The following CD109 variants were observed in gnomAD, a reference collection of about 807,000 sequenced individuals.
CD109 encodes the protein CD109 molecule, also known as CD109 antigen.
Under a neutral mutation model 165.8 loss-of-function variants are expected in CD109, and 149 were observed. That is an observed-to-expected ratio of 0.90 (90% CI 0.79 to 1.03). CD109 has a LOEUF of 1.03. Ranked by LOEUF, CD109 falls within the 50% of genes least tolerant of loss-of-function variation. The pLI is 0.00. For missense variants in CD109, 1,712 were observed against 1,677.8 expected, an observed-to-expected ratio of 1.02 and a Z score of -0.36; for synonymous variants, 585 against 592.1, an observed-to-expected ratio of 0.99 and a Z score of 0.18.
At chr6:73,681,659 A>G in the CD109 span, among the ~76,000 whole-genome samples, 2 of 151,744 alleles carry the variant, frequency 1.3e-5, no homozygotes, top group African/African-American at 2.4e-5. Flanking sequence ...CTGGAGTGCA[A>G]TGGTACAATC....
chr6:73,796,331 T>C (rs991816303), intron 23 of CD109, among the ~76,000 whole-genome samples: 1 of 152,136 alleles, frequency 6.6e-6, no homozygotes, highest in Non-Finnish European at 1.5e-5. Flanking sequence ...TGGCTGTATC[T>C]GGAACACTCT....
chr6:73,809,866 C>G, intron 26 of CD109, 118 bp from the exon 27 acceptor site: 1 of 668,958 alleles, frequency 1.5e-6, no homozygotes. Context: ...TACATGTATA[C>G]AAGTATATAT....
the CD109 span, among the ~76,000 whole-genome samples, chr6:73,682,989 CT>C: frequency 6.6e-6 from 1 of 152,178 alleles, no homozygotes; most frequent in Non-Finnish European, 1.5e-5. Flanking sequence ...CTTTTTCCTC[CT>C]AAGCTTCCAG....
chr6:73,809,855 A>G (rs2150298796), intron 26 of CD109, 129 bp from the exon 27 acceptor site: 2 of 614,662 alleles, frequency 3.3e-6, no homozygotes, highest in Admixed American at 3.8e-5. Context: ...GCATAAATAA[A>G]TACATGTATA....
rs529956280 is a variant in CD109 at position 73,826,586 on chromosome 6, A to G, written c.*2953A>G. 1 of 152,222 alleles carries G rather than the reference A, an allele frequency of 6.6e-6. No homozygotes were observed. The highest frequency in any genetic ancestry group is 1.5e-5 in the Non-Finnish European group (1 of 68,040). 9.4% of individuals were successfully genotyped at this position (152,222 alleles called of 1,614,324 possible). The stretch of plus-strand genomic sequence containing the variant: ...AAAAGAAATTCAAGCCCATTAAAAT[A>G]TGTCTGGTCAATGAAATGCTTCCTT... On this transcript the variant is annotated 3_prime_UTR_variant, in exon 33 of 33. Coordinates refer to ENST00000287097, the MANE Select transcript of CD109 (RefSeq NM_133493.5).
Position 73,762,902 on chromosome 6 carries a change from G to A in CD109, c.997+20G>A. ...TTACAGGTTTGTAGACTTTAAAGTG[G>A]AGGTAAAACTATTCATGTGACACTG... On this transcript the variant is annotated intron_variant, in intron 9 of 32. Coordinates refer to ENST00000287097, the MANE Select transcript of CD109 (RefSeq NM_133493.5). 1.9e-6 allele frequency: 3 copies of A among 1,583,678 alleles called. No individual in the cohort carries two copies. The highest frequency in any genetic ancestry group is 2.6e-6 in the Non-Finnish European group (3 of 1,170,234).
At chr6:73,750,561 G>A (rs183074363) in intron 5 of CD109, among the ~76,000 whole-genome samples, 1 of 152,078 alleles carries the variant, frequency 6.6e-6, no homozygotes, top group Non-Finnish European at 1.5e-5. Context: ...AGGCAGAATC[G>A]AGATTTCAAG....
intron 20 of CD109, among the ~76,000 whole-genome samples, chr6:73,785,679 A>G (rs1179279688): frequency 6.6e-6 from 1 of 151,942 alleles, no homozygotes; most frequent in Non-Finnish European, 1.5e-5. Context: ...TCTACACATT[A>G]CCTCCTTGAA....
In CD109 at chr6:73,823,733, G is replaced by C; in HGVS notation, c.*100G>C. 1 of 1,180,688 alleles carries C rather than the reference G, an allele frequency of 8.5e-7. No individual in the cohort carries two copies. The highest frequency in any genetic ancestry group is 1.5e-5 in the South Asian group (1 of 65,084). The allele number at this position is 1,180,688 out of a possible 1,614,324, so 73.1% of individuals were successfully genotyped here. On this transcript the variant is annotated 3_prime_UTR_variant, in exon 33 of 33. Coordinates refer to ENST00000287097, the MANE Select transcript of CD109 (RefSeq NM_133493.5). ...ATACTGCTTCTATTTTGAAAAAAGAGTTTTTTTTCTTTCTATGGGGTTGCA... is the reference window on the plus strand; with the variant it reads ...ATACTGCTTCTATTTTGAAAAAAGACTTTTTTTTCTTTCTATGGGGTTGCA...
chr6:73,704,227 C>A (rs1771182349), intron 2 of CD109, among the ~76,000 whole-genome samples: 1 of 151,692 alleles, frequency 6.6e-6, no homozygotes, highest in Non-Finnish European at 1.5e-5. Flanking sequence ...CCACCATGAC[C>A]ACAGGTGATT....
In CD109 at chr6:73,828,194, C is replaced by G. The variant is rs1308637314; in HGVS notation, c.*4561C>G. ...AGGAACTAAAGCTTTATATATTGATCAAGGTGATTCTGAAAGTTTTAATTT... is the reference window on the plus strand; with the variant it reads ...AGGAACTAAAGCTTTATATATTGATGAAGGTGATTCTGAAAGTTTTAATTT... On this transcript the variant is annotated 3_prime_UTR_variant, in exon 33 of 33. Coordinates refer to ENST00000287097, the MANE Select transcript of CD109 (RefSeq NM_133493.5). The G allele has an allele frequency of 6.5e-6, 1 of 154,654 alleles. No individual in the cohort carries two copies. The highest frequency in any genetic ancestry group is 1.9e-4 in the East Asian group (1 of 5,188). 9.6% of individuals were successfully genotyped at this position (154,654 alleles called of 1,614,324 possible). A position where few individuals can be genotyped will look rare whatever the true frequency, so the allele number is the denominator to read the frequency against.
chr6:73,703,284 C>T (rs983197517), intron 2 of CD109, among the ~76,000 whole-genome samples: 2 of 152,240 alleles, frequency 1.3e-5, no homozygotes, highest in African/African-American at 4.8e-5. Flanking sequence ...ATCATTTTCA[C>T]ATTTGCTTGC....
chr6:73,812,376 A>AT, intron 29 of CD109, 106 bp downstream of exon 29: 4 of 713,448 alleles, frequency 5.6e-6, no homozygotes, highest in Non-Finnish European at 9.2e-6. Context: ...ATTCCTAATG[A>AT]TTTACATCTG....
chr6:73,739,729 T>C (rs138157576), intron 5 of CD109, among the ~76,000 whole-genome samples: 3,289 of 151,990 alleles, frequency 0.022, 115 homozygotes, highest in African/African-American at 0.074. Context: ...GCGCCTGTAG[T>C]CCCAGCTACT....
the CD109 span, among the ~76,000 whole-genome samples, chr6:73,680,489 G>C: frequency 6.6e-6 from 1 of 152,146 alleles, no homozygotes; most frequent in Non-Finnish European, 1.5e-5. Context: ...TGTATTTTGT[G>C]GGGGCAGACA....
chr6:73,685,986 C>T, the CD109 span, among the ~76,000 whole-genome samples: 1 of 152,168 alleles, frequency 6.6e-6, no homozygotes, highest in African/African-American at 2.4e-5. Context: ...AGTATGCATT[C>T]TTGTCTTATT....
intron 23 of CD109, among the ~76,000 whole-genome samples, chr6:73,795,744 C>A (rs12663978): frequency 6.6e-6 from 1 of 151,964 alleles, no homozygotes; most frequent in African/African-American, 2.4e-5. Context: ...GAGGCAGTCA[C>A]ACCTGGGCTT....
At chr6:73,816,643 T>A (rs1775947949) in intron 30 of CD109, among the ~76,000 whole-genome samples, 1 of 152,060 alleles carries the variant, frequency 6.6e-6, no homozygotes, top group Non-Finnish European at 1.5e-5. Flanking sequence ...GTGTCAGGCG[T>A]GGGAATATAA....
intron 2 of CD109, among the ~76,000 whole-genome samples, chr6:73,712,753 T>C (rs866620674): frequency 1.2e-4 from 18 of 152,218 alleles, no homozygotes; most frequent in Non-Finnish European, 2.9e-5. Context: ...TTCTTCTGAG[T>C]TGCTTAAGCA....
Sources: allele counts gnomAD v4.1 joint callset (sites outside exome capture counted in the v4.1 genomes callset), GRCh38; gene constraint gnomAD v4.1.1; transcripts MANE v1.5; gene names NCBI Gene and HGNC (gene_info 2026-07-23, HGNC 2026-07-21).